The following SYNE1 variants were observed in gnomAD, a reference collection of about 807,000 sequenced individuals.
SYNE1 encodes nesprin-1.
SYNE1 carries 616 observed loss-of-function variants against 1,111.0 expected under a neutral mutation model. That is an observed-to-expected ratio of 0.55 (90% CI 0.52 to 0.59). The LOEUF (loss-of-function observed/expected upper bound fraction) is 0.59, where lower values mean the gene tolerates loss of function less well. Among genes scored for constraint, SYNE1 ranks in the 20% least tolerant of loss-of-function variants. The probability of loss-of-function intolerance (pLI) is 0.00; values close to 1 mark genes in which losing one functional copy is unlikely to be tolerated. For missense variants in SYNE1, 10,006 were observed against 10,417.0 expected, an observed-to-expected ratio of 0.96 and a Z score of 1.72; for synonymous variants, 3,855 against 3,825.8, an observed-to-expected ratio of 1.01 and a Z score of -0.28.
chr6:152,330,536 T>C lies in SYNE1; in HGVS notation c.14149A>G (p.Arg4717Gly), dbSNP rs924134837. ...EEALSLQDGC[R>G]AILDEVAGLG... Reference sequence around the variant, plus strand: ...CCCGCCACCTCGTCCAGAATGGCTCTGCAACCATCTTGCAGAGAAAGAGCC... The same window carrying C: ...CCCGCCACCTCGTCCAGAATGGCTCCGCAACCATCTTGCAGAGAAAGAGCC... The change falls in exon 78 of 146, where the codon AGA becomes GGA. Residue 4717 changes from arginine to glycine, a missense_variant. Physicochemically the swap from Arg to Gly is moderately radical, Grantham distance 125 (BLOSUM62 -2). Transcript: ENST00000367255. 1.2e-6 allele frequency: 2 copies of C among 1,614,036 alleles called. No individual in the cohort carries two copies. The highest frequency in any genetic ancestry group is 2.7e-5 in the African/African-American group (2 of 74,922).
At chr6:152,364,252 T>A (rs977360030) in intron 63 of SYNE1, among the ~76,000 whole-genome samples, 1 of 151,930 alleles carries the variant, frequency 6.6e-6, no homozygotes, top group South Asian at 2.1e-4. Flanking sequence ...GAATTGGGAG[T>A]CAATTAAACC....
chr6:152,253,808 T>G, intron 104 of SYNE1, among the ~76,000 whole-genome samples: 1 of 138,032 alleles, frequency 7.2e-6, no homozygotes, highest in African/African-American at 2.7e-5. Flanking sequence ...CATTTATGTG[T>G]AGTGGTTTGG....
chr6:152,635,119 A>G (rs1565331527), intron 2 of SYNE1, among the ~76,000 whole-genome samples: 1 of 152,240 alleles, frequency 6.6e-6, no homozygotes, highest in Non-Finnish European at 1.5e-5. Flanking sequence ...ATTCTTGAAC[A>G]TTTTTAAATG....
chr6:152,169,431 G>A (rs148632598), intron 130 of SYNE1, among the ~76,000 whole-genome samples: 3,162 of 151,270 alleles, frequency 0.021, 99 homozygotes, highest in African/African-American at 0.06. Flanking sequence ...GCGTGGTGGC[G>A]GGCACCTGTA....
At chr6:152,478,021 C>T (rs1564330923) in intron 14 of SYNE1, among the ~76,000 whole-genome samples, 1 of 152,198 alleles carries the variant, frequency 6.6e-6, no homozygotes, top group East Asian at 1.9e-4. Context: ...CCTGCCTTGG[C>T]TTCTCAACAT....
intron 128 of SYNE1, among the ~76,000 whole-genome samples, chr6:152,183,533 G>A (rs1417231426): frequency 3.9e-5 from 6 of 152,024 alleles, no homozygotes; most frequent in South Asian, 2.1e-4. Flanking sequence ...CCCGGGAGGC[G>A]GAAGATGCAG....
chr6:152,416,662 A>T lies in SYNE1; in HGVS notation c.5775T>A (p.Ser1925Arg). 6.2e-7 allele frequency: 1 copy of T among 1,614,220 alleles called. No individual in the cohort carries two copies. The highest frequency in any genetic ancestry group is 8.5e-7 in the Non-Finnish European group (1 of 1,180,054). The change falls in exon 41 of 146, where the codon AGT (serine) becomes AGA (arginine). Residue 1925 changes from serine (S) to arginine (R), a missense_variant. Physicochemically the swap from Ser to Arg is moderately radical, Grantham distance 110 (BLOSUM62 -1). This residue lies in a region of SYNE1 where 4,955 missense variants were observed against 5,017.2 expected (regional missense o/e 0.99). Coordinates refer to ENST00000367255, the MANE Select transcript of SYNE1 (RefSeq NM_182961.4). ...GGGCTTTGGAAAGAATGCCATCCAG[A>T]CTGACGGCAGCAGATTCTAATGCTT... ...NAKALESAAVSLDGILSKAQY... is the reference protein window; with the variant it reads ...NAKALESAAVRLDGILSKAQY...
intron 98 of SYNE1, chr6:152,277,686 A>G (rs1398015416): frequency 8.6e-6 from 2 of 233,860 alleles, no homozygotes; most frequent in East Asian, 2.0e-4. Context: ...TCAAATTGTG[A>G]TGAATGTAAA....
intron 16 of SYNE1, among the ~76,000 whole-genome samples, chr6:152,469,074 C>A (rs185414760): frequency 3.3e-5 from 5 of 152,154 alleles, no homozygotes; most frequent in Non-Finnish European, 5.9e-5. Flanking sequence ...GAGCTGCTGC[C>A]CCCAGCCCTT....
chr6:152,211,710 G>GAA, intron 123 of SYNE1, 122 bp from the exon 124 acceptor site: 1 of 739,520 alleles, frequency 1.4e-6, no homozygotes, highest in South Asian at 1.6e-5. Flanking sequence ...AGCTGAACCA[G>GAA]AAAATGTGTG....
chr6:152,449,371 C>T (rs1307582905), intron 28 of SYNE1, among the ~76,000 whole-genome samples, 162 bp downstream of exon 28: 1 of 152,204 alleles, frequency 6.6e-6, no homozygotes, highest in Non-Finnish European at 1.5e-5. Flanking sequence ...TAGGAAAAAA[C>T]TCTACATGCT....
At chr6:152,515,942 A>T (rs2099109380) in intron 6 of SYNE1, among the ~76,000 whole-genome samples, 1 of 152,250 alleles carries the variant, frequency 6.6e-6, no homozygotes, top group African/African-American at 2.4e-5. Context: ...TACCTTCATT[A>T]TTCCCTAAGT....
chr6:152,585,341 A>T (rs918227217), intron 3 of SYNE1, among the ~76,000 whole-genome samples: 3 of 152,268 alleles, frequency 2.0e-5, no homozygotes, highest in African/African-American at 2.4e-5. Flanking sequence ...CATTATCAAA[A>T]ATGTTGCAAT....
chr6:152,310,116 TTTTGC>T, intron 89 of SYNE1, 99 bp from the exon 90 acceptor site: 2 of 1,309,044 alleles, frequency 1.5e-6, no homozygotes, highest in Admixed American at 6.2e-5. Context: ...GTTATAAACA[TTTTGC>T]AAAAAAAAAA....
At position 152,198,994 on chromosome 6, in the gene SYNE1, A is replaced by AAC. The variant is rs1554537846; in HGVS notation, c.23145+2829_23145+2830insGT. ...ACAATCTTCAATTTGTAAAAAAAAA[A>AAC]AAAAAAACCAAAAAACAAAAAACAA... On this transcript the variant is annotated intron_variant, in intron 127 of 145. Transcript: ENST00000367255. Among the ~76,000 whole-genome samples the AAC allele has an allele frequency of 2.7e-5, 4 of 150,566 alleles. No homozygotes were observed. In the East Asian group the frequency reaches 7.8e-4, roughly 29 times the overall value.
intron 6 of SYNE1, among the ~76,000 whole-genome samples, chr6:152,513,955 G>A (rs887501920): frequency 2.0e-5 from 3 of 152,134 alleles, no homozygotes; most frequent in East Asian, 1.9e-4. Context: ...TTAGAATGGC[G>A]ATTATTAAAA....
At chr6:152,467,323 C>A (rs764512914) in intron 16 of SYNE1, among the ~76,000 whole-genome samples, 5 of 151,804 alleles carry the variant, frequency 3.3e-5, no homozygotes, top group South Asian at 2.1e-4. Context: ...TTATTACAAC[C>A]CAGTTGAGAA....
intron 67 of SYNE1, 134 bp from the exon 68 acceptor site, chr6:152,353,878 C>G: frequency 1.8e-6 from 2 of 1,095,514 alleles, no homozygotes; most frequent in South Asian, 2.6e-5. Flanking sequence ...TTTGAAAATG[C>G]CATATGTTAT....
chr6:152,294,984 A>G (rs2094798918), intron 93 of SYNE1, among the ~76,000 whole-genome samples: 2 of 152,226 alleles, frequency 1.3e-5, no homozygotes, highest in Non-Finnish European at 2.9e-5. Context: ...GAATTATGTC[A>G]GCTTAAAATA....
Sources: gnomAD v4.1 joint callset for allele counts (sites outside exome capture counted in the v4.1 genomes callset) on GRCh38, gnomAD v4.1.1 for gene constraint, gnomAD v4.1.1 regional missense constraint, MANE v1.5 for transcripts, NCBI Gene and HGNC (gene_info 2026-07-23, HGNC 2026-07-21) for gene names.